PARG: variants seen among roughly 807,000 people sequenced by gnomAD.
The protein encoded by PARG is poly(ADP-ribose) glycohydrolase.
Under a neutral mutation model 113.0 loss-of-function variants are expected in PARG, and 35 were observed. That is an observed-to-expected ratio of 0.31 (90% CI 0.24 to 0.41). The LOEUF (loss-of-function observed/expected upper bound fraction) is 0.41, where lower values mean the gene tolerates loss of function less well. PARG is among the 10% of genes least tolerant of loss of function. PARG has a pLI of 1.00. For synonymous variants in PARG, 330 were observed against 409.9 expected (o/e 0.81, Z 2.36); for missense variants, 797 against 1,169.4 (o/e 0.68, Z 4.64).
intron 1 of PARG, among the ~76,000 whole-genome samples, chr10:49,940,474 T>C (rs1838977161): frequency 6.8e-6 from 1 of 146,966 alleles, no homozygotes; most frequent in African/African-American, 2.5e-5. Flanking sequence ...CACACTCTCT[T>C]GCGTTCACTC....
chr10:49,857,551 A>G, intron 12 of PARG, 98 bp from the exon 13 acceptor site: 1 of 614,662 alleles, frequency 1.6e-6, no homozygotes, highest in Non-Finnish European at 2.9e-6. Flanking sequence ...TTCCTCTCCC[A>G]TGAAAATCAA....
intron 7 of PARG, among the ~76,000 whole-genome samples, chr10:49,893,479 C>T (rs1328414340): frequency 6.6e-6 from 1 of 152,130 alleles, no homozygotes; most frequent in East Asian, 1.9e-4. Context: ...GTCAGATAAA[C>T]ATTTTGCAAA....
chr10:49,917,586 C>T (rs1169472821), intron 6 of PARG, among the ~76,000 whole-genome samples: 1 of 151,304 alleles, frequency 6.6e-6, no homozygotes, highest in African/African-American at 2.4e-5. Context: ...TCCGGGAGGC[C>T]GAGGCAGGTG....
chr10:49,891,255 A>C (rs1394089096), intron 7 of PARG, among the ~76,000 whole-genome samples: 1 of 152,242 alleles, frequency 6.6e-6, no homozygotes, highest in Non-Finnish European at 1.5e-5. Context: ...CAGAGGTTGC[A>C]GTGAGCCGAG....
intron 16 of PARG, among the ~76,000 whole-genome samples, chr10:49,823,661 A>T (rs1246319887): frequency 2.6e-5 from 4 of 152,182 alleles, no homozygotes; most frequent in African/African-American, 9.6e-5. Context: ...ATGAATCATC[A>T]TCTTTCTCCA....
chr10:49,913,902 CATAA>C lies in PARG; in HGVS notation c.1737+2011_1737+2014del, dbSNP rs566958948. ...TGGGTGACAGAGTGAGACTCCATTT[CATAA>C]ATAAATAAATAAATAAATATTAGAA... On this transcript the variant is annotated intron_variant, in intron 7 of 17. Transcript: ENST00000616448. Among the ~76,000 whole-genome samples the C allele has an allele frequency of 1.5e-3, 222 of 151,668 alleles. 1 individual carries two copies. The highest frequency in any genetic ancestry group is 3.4e-3 in the Middle Eastern group (1 of 294).
chr10:49,926,015 T>C (rs1230049592), intron 4 of PARG, among the ~76,000 whole-genome samples: 1 of 152,202 alleles, frequency 6.6e-6, no homozygotes, highest in Non-Finnish European at 1.5e-5. Context: ...CAATCTAAAC[T>C]AATTCCGGTT....
At chr10:49,822,176 G>A (rs1405103945) in intron 16 of PARG, among the ~76,000 whole-genome samples, 1 of 152,168 alleles carries the variant, frequency 6.6e-6, no homozygotes, top group Non-Finnish European at 1.5e-5. Context: ...AGGATGGACT[G>A]AAATGGAAGG....
chr10:49,846,378 T>C (rs1554833336), intron 13 of PARG, among the ~76,000 whole-genome samples: 2 of 151,746 alleles, frequency 1.3e-5, no homozygotes, highest in East Asian at 3.9e-4. Flanking sequence ...GACATGTTTT[T>C]TTTTTTTTTA....
chr10:49,928,228 ACCACTGCACT>A (rs1838311016), intron 4 of PARG, among the ~76,000 whole-genome samples: 1 of 151,984 alleles, frequency 6.6e-6, no homozygotes, highest in Admixed American at 6.6e-5. Context: ...CCGAGATCAC[ACCACTGCACT>A]CCAGTCTGGG....
chr10:49,910,436 T>A (rs1400290051), intron 7 of PARG, among the ~76,000 whole-genome samples: 2 of 152,204 alleles, frequency 1.3e-5, no homozygotes, highest in Non-Finnish European at 2.9e-5. Flanking sequence ...AGGTTTTTCA[T>A]TTTTTACTTT....
At chr10:49,848,335 G>A (rs1368301032) in intron 13 of PARG, among the ~76,000 whole-genome samples, 4 of 148,626 alleles carry the variant, frequency 2.7e-5, no homozygotes, top group Non-Finnish European at 4.5e-5. Context: ...GTGACAGAGT[G>A]AGACTCTGTC....
intron 16 of PARG, among the ~76,000 whole-genome samples, chr10:49,821,189 T>C (rs1022522385): frequency 8.5e-5 from 13 of 152,094 alleles, no homozygotes; most frequent in Admixed American, 2.6e-4. Flanking sequence ...AGATCTACTA[T>C]CTCCAGGAAT....
At chr10:49,837,964 T>TA (rs1845025656) in intron 15 of PARG, among the ~76,000 whole-genome samples, 1 of 152,156 alleles carries the variant, frequency 6.6e-6, no homozygotes, top group African/African-American at 2.4e-5. Context: ...ATTTAACAGG[T>TA]ACCTTGCTCA....
At chr10:49,921,936 A>G (rs1181346914) in intron 6 of PARG, among the ~76,000 whole-genome samples, 1 of 152,200 alleles carries the variant, frequency 6.6e-6, no homozygotes, top group African/African-American at 2.4e-5. Flanking sequence ...TGCTTAACAT[A>G]TACTTTAATC....
At chr10:49,940,114 C>T (rs1353337107) in intron 1 of PARG, among the ~76,000 whole-genome samples, 1 of 152,170 alleles carries the variant, frequency 6.6e-6, no homozygotes, top group Non-Finnish European at 1.5e-5. Flanking sequence ...CACGAACTCC[C>T]CAATCTACTT....
At chr10:49,894,971 C>T (rs563906961) in intron 7 of PARG, among the ~76,000 whole-genome samples, 2 of 152,262 alleles carry the variant, frequency 1.3e-5, no homozygotes, top group Non-Finnish European at 2.9e-5. Context: ...CATGCAGATA[C>T]ATCAGTCCAA....
intron 4 of PARG, among the ~76,000 whole-genome samples, chr10:49,931,654 G>C (rs1319902869): frequency 6.8e-6 from 1 of 146,588 alleles, no homozygotes; most frequent in Admixed American, 6.8e-5. Flanking sequence ...GAATGCTCGA[G>C]GAGACTGATT....
chr10:49,919,036 G>A (rs554324199), intron 6 of PARG, among the ~76,000 whole-genome samples: 1 of 152,058 alleles, frequency 6.6e-6, no homozygotes, highest in Non-Finnish European at 1.5e-5. Flanking sequence ...TGCCTCCTGG[G>A]TTCAAGCAAT....
Sources: allele counts gnomAD v4.1 joint callset (sites outside exome capture counted in the v4.1 genomes callset), GRCh38; gene constraint gnomAD v4.1.1; transcripts MANE v1.5; gene names NCBI Gene and HGNC (gene_info 2026-07-23, HGNC 2026-07-21).